Variants in FHOD3 observed in about 807,000 individuals in gnomAD.
FHOD3 encodes FH1/FH2 domain-containing protein 3.
FHOD3 carries 90 observed loss-of-function variants against 173.0 expected under a neutral mutation model. That is an observed-to-expected ratio of 0.52 (90% CI 0.44 to 0.62). FHOD3 has a LOEUF of 0.62. FHOD3 is among the 20% of genes least tolerant of loss of function. FHOD3 has a pLI of 0.00. For synonymous variants in FHOD3, 828 were observed against 823.0 expected (o/e 1.01, Z -0.10); for missense variants, 1,945 against 2,034.7 (o/e 0.96, Z 0.85).
intron 14 of FHOD3, among the ~76,000 whole-genome samples, chr18:36,673,185 A>G (rs1157656107): frequency 6.6e-6 from 1 of 152,172 alleles, no homozygotes; most frequent in Non-Finnish European, 1.5e-5. Flanking sequence ...GAGACATTCC[A>G]AACTACCTAA....
chr18:36,690,607 G>T (rs1444759029), intron 16 of FHOD3, among the ~76,000 whole-genome samples: 1 of 152,050 alleles, frequency 6.6e-6, no homozygotes, highest in East Asian at 1.9e-4. Context: ...AAATGCCTGT[G>T]GCATGGCCGT....
At chr18:36,475,809 TA>T (rs1913446421) in intron 3 of FHOD3, among the ~76,000 whole-genome samples, 1 of 151,546 alleles carries the variant, frequency 6.6e-6, no homozygotes, top group Non-Finnish European at 1.5e-5. Flanking sequence ...TACATACATA[TA>T]TAATTGTAAT....
chr18:36,389,299 T>C (rs1371616165), intron 3 of FHOD3, among the ~76,000 whole-genome samples: 2 of 152,198 alleles, frequency 1.3e-5, no homozygotes, highest in Non-Finnish European at 2.9e-5. Flanking sequence ...ACCCCAACAC[T>C]GAAGAACTCA....
chr18:36,421,695 A>G (rs548848192), intron 3 of FHOD3, among the ~76,000 whole-genome samples: 2 of 152,340 alleles, frequency 1.3e-5, no homozygotes, highest in South Asian at 4.1e-4. Context: ...TCAACAAGAA[A>G]AGAACAGTGA....
chr18:36,346,035 A>G (rs940898149), intron 1 of FHOD3, among the ~76,000 whole-genome samples: 3 of 152,162 alleles, frequency 2.0e-5, no homozygotes, highest in African/African-American at 7.2e-5. Context: ...CTATTTCTTT[A>G]TTCACCACCA....
At chr18:36,615,750 A>G (rs2033138490) in intron 9 of FHOD3, among the ~76,000 whole-genome samples, 1 of 152,246 alleles carries the variant, frequency 6.6e-6, no homozygotes, top group Non-Finnish European at 1.5e-5. Context: ...GCACCGCTAG[A>G]TCTCTAGGGA....
At chr18:36,669,990 A>G (rs1353078986) in intron 14 of FHOD3, among the ~76,000 whole-genome samples, 1 of 151,980 alleles carries the variant, frequency 6.6e-6, no homozygotes, top group Non-Finnish European at 1.5e-5. Flanking sequence ...TTTGAAAGAC[A>G]GTTATTGCTA....
At chr18:36,361,975 G>A (rs1336903467) in intron 2 of FHOD3, among the ~76,000 whole-genome samples, 1 of 152,250 alleles carries the variant, frequency 6.6e-6, no homozygotes, top group African/African-American at 2.4e-5. Flanking sequence ...AGTCAGGCAA[G>A]AATGAAGTAA....
At chr18:36,476,764 C>T (rs982955021) in intron 3 of FHOD3, among the ~76,000 whole-genome samples, 3 of 152,216 alleles carry the variant, frequency 2.0e-5, no homozygotes, top group African/African-American at 7.2e-5. Context: ...CCCACATCAA[C>T]TGTTCTTAAG....
rs73949476 is a variant in FHOD3 at position 36,402,634 on chromosome 18, G to A, written c.337+29890G>A. Among the ~76,000 whole-genome samples, 491 of 151,664 alleles carry A rather than the reference G, an allele frequency of 3.2e-3. 3 individuals are homozygous for A. Among genetic ancestry groups the A allele is most frequent in the African/African-American group, 0.011 (462 of 41,326 alleles). ...CCAGGACTACAGTCCATTTTTCCAC[G>A]ACTTTAGTCCAGTGCTCTTTCCCTG... On this transcript the variant is annotated intron_variant, in intron 3 of 28. Coordinates refer to ENST00000590592, the MANE Select transcript of FHOD3 (RefSeq NM_001281740.3).
At chr18:36,712,275 A>G (rs1269272104) in intron 18 of FHOD3, among the ~76,000 whole-genome samples, 1 of 152,242 alleles carries the variant, frequency 6.6e-6, no homozygotes, top group Non-Finnish European at 1.5e-5. Context: ...TGCAATAAAC[A>G]GATGCCAACA....
chr18:36,598,973 G>A (rs2030934445), intron 7 of FHOD3, among the ~76,000 whole-genome samples: 1 of 152,212 alleles, frequency 6.6e-6, no homozygotes, highest in Non-Finnish European at 1.5e-5. Flanking sequence ...TCAGACCACT[G>A]GATCATCTTC....
chr18:36,775,065 C>T (rs887842510), intron 28 of FHOD3, among the ~76,000 whole-genome samples: 21 of 152,076 alleles, frequency 1.4e-4, no homozygotes, highest in Admixed American at 3.9e-4. Context: ...CGTGAATGGA[C>T]GGTGTTGAAC....
chr18:36,621,135 AT>A (rs1238229911), intron 9 of FHOD3, among the ~76,000 whole-genome samples: 1 of 152,210 alleles, frequency 6.6e-6, no homozygotes, highest in Admixed American at 6.5e-5. Flanking sequence ...ACATACATAA[AT>A]TGACAGAAAA....
chr18:36,314,699 C>G (rs117203224), intron 1 of FHOD3, among the ~76,000 whole-genome samples: 83 of 152,340 alleles, frequency 5.4e-4, no homozygotes, highest in Non-Finnish European at 8.8e-4. Context: ...GCCCCCTCAT[C>G]AGGGCATCTT....
intron 6 of FHOD3, among the ~76,000 whole-genome samples, chr18:36,591,546 G>A (rs752122194): frequency 2.0e-5 from 3 of 152,180 alleles, no homozygotes; most frequent in Non-Finnish European, 4.4e-5. Flanking sequence ...CTGCTGTGAA[G>A]CTTACATTCT....
intron 18 of FHOD3, among the ~76,000 whole-genome samples, chr18:36,716,525 G>A (rs966729157): frequency 4.6e-5 from 7 of 152,216 alleles, no homozygotes; most frequent in African/African-American, 9.7e-5. Context: ...GGCATTTAAT[G>A]CCTTGAAACT....
intron 3 of FHOD3, among the ~76,000 whole-genome samples, chr18:36,373,930 C>A (rs2047313702): frequency 6.6e-6 from 1 of 152,184 alleles, no homozygotes; most frequent in Non-Finnish European, 1.5e-5. Flanking sequence ...ATAAACTTCC[C>A]CCTTACCCTC....
intron 1 of FHOD3, among the ~76,000 whole-genome samples, chr18:36,313,292 A>C (rs568135176): frequency 1.3e-5 from 2 of 152,352 alleles, no homozygotes; most frequent in East Asian, 3.9e-4. Context: ...AACTTAAAAA[A>C]AACCTTCATA....
Sources: gnomAD v4.1 joint callset for allele counts (sites outside exome capture counted in the v4.1 genomes callset) on GRCh38, gnomAD v4.1.1 for gene constraint, MANE v1.5 for transcripts, NCBI Gene and HGNC (gene_info 2026-07-23, HGNC 2026-07-21) for gene names.